Variants in CELF4 observed in about 807,000 individuals in gnomAD.
CELF4 encodes CUGBP Elav-like family member 4.
CELF4 carries 18 observed loss-of-function variants against 59.9 expected under a neutral mutation model. The observed-to-expected ratio is 0.30, with a 90% CI of 0.21 to 0.45. CELF4 has a LOEUF of 0.45. Ranked by LOEUF, CELF4 falls within the 20% of genes least tolerant of loss-of-function variation. CELF4 has a pLI of 1.00. For missense variants in CELF4, 456 were observed against 689.0 expected, an observed-to-expected ratio of 0.66 and a Z score of 3.79; for synonymous variants, 261 against 267.1, an observed-to-expected ratio of 0.98 and a Z score of 0.22.
chr18:37,431,140 G>A (rs1039721887), intron 2 of CELF4, among the ~76,000 whole-genome samples: 2 of 152,142 alleles, frequency 1.3e-5, no homozygotes, highest in African/African-American at 4.8e-5. Context: ...CCTCTGTCTG[G>A]GGACAGCTCT....
At chr18:37,344,095 C>G (rs567067852) in intron 2 of CELF4, among the ~76,000 whole-genome samples, 1 of 152,244 alleles carries the variant, frequency 6.6e-6, no homozygotes, top group Admixed American at 6.5e-5. Context: ...CTAGGACTGT[C>G]AGCTCCACAC....
chr18:37,370,937 G>T (rs912858205), intron 2 of CELF4, among the ~76,000 whole-genome samples: 2 of 152,178 alleles, frequency 1.3e-5, no homozygotes, highest in Non-Finnish European at 2.9e-5. Context: ...TGTCACACGT[G>T]TCTTCAAGCA....
intron 2 of CELF4, among the ~76,000 whole-genome samples, chr18:37,391,099 G>T (rs1315423336): frequency 1.3e-5 from 2 of 152,112 alleles, no homozygotes; most frequent in Admixed American, 1.3e-4. Flanking sequence ...GGAGACGTAG[G>T]GAGGAGAGGA....
chr18:37,255,562 C>T (rs1274018492), intron 11 of CELF4, among the ~76,000 whole-genome samples: 1 of 151,436 alleles, frequency 6.6e-6, no homozygotes, highest in Non-Finnish European at 1.5e-5. Context: ...TTTCCACCAG[C>T]TCCCCTCAGC....
chr18:37,519,760 C>T (rs1220901307), intron 1 of CELF4, among the ~76,000 whole-genome samples: 2 of 152,212 alleles, frequency 1.3e-5, no homozygotes, highest in Non-Finnish European at 2.9e-5. Context: ...ATGGAGCTTG[C>T]TGGGCACTGT....
chr18:37,274,166 A>C (rs1662914), intron 6 of CELF4, 145 bp downstream of exon 6: 1 of 1,478,524 alleles, frequency 6.8e-7, no homozygotes, highest in Non-Finnish European at 8.9e-7. Flanking sequence ...TAAACCCCCC[A>C]GGTTCATGGG....
chr18:37,520,349 G>A (rs899198504), intron 1 of CELF4, among the ~76,000 whole-genome samples: 3 of 152,166 alleles, frequency 2.0e-5, no homozygotes, highest in African/African-American at 4.8e-5. Context: ...CCAGGAAGGC[G>A]TGAGTTAAAT....
intron 2 of CELF4, among the ~76,000 whole-genome samples, chr18:37,390,146 C>G (rs1350626576): frequency 6.6e-6 from 1 of 152,244 alleles, no homozygotes; most frequent in Non-Finnish European, 1.5e-5. Context: ...CGCCCCCTCC[C>G]CACATGCTGT....
intron 2 of CELF4, among the ~76,000 whole-genome samples, 190 bp downstream of exon 2, chr18:37,485,335 C>G (rs1310130398): frequency 3.3e-5 from 5 of 151,816 alleles, no homozygotes; most frequent in Non-Finnish European, 5.9e-5. Flanking sequence ...AGTGGGGCCC[C>G]TGTCCCGGAT....
At chr18:37,375,295 C>T (rs1247180763) in intron 2 of CELF4, among the ~76,000 whole-genome samples, 1 of 152,150 alleles carries the variant, frequency 6.6e-6, no homozygotes, top group Non-Finnish European at 1.5e-5. Flanking sequence ...TACAAAAGTG[C>T]TCAGTGATGG....
rs557511204 is a variant in CELF4, at chr18:37,337,027, C to T, written c.370-15146G>A. On this transcript the variant is annotated intron_variant, in intron 2 of 12. Transcript: ENST00000420428. ...CTCCGGCTGTGCTCCACTCACCATG[C>T]CTGGCGCTCACAGGCCTGGTGGTCT... 3.3e-5 allele frequency among the ~76,000 whole-genome samples: 5 copies of T among 152,358 alleles called. No homozygotes were observed. In the East Asian group the frequency reaches 9.7e-4, roughly 29 times the overall value.
intron 2 of CELF4, among the ~76,000 whole-genome samples, chr18:37,451,557 CTG>C (rs1218908549): frequency 2.6e-5 from 4 of 152,092 alleles, no homozygotes; most frequent in Admixed American, 6.5e-5. Context: ...GTGTGTGTGT[CTG>C]TGGTTTGGTC....
intron 1 of CELF4, among the ~76,000 whole-genome samples, chr18:37,546,813 GCCATAGT>G (rs1400206595): frequency 6.6e-6 from 1 of 152,192 alleles, no homozygotes; most frequent in Admixed American, 6.5e-5. Context: ...CCTGCTCTGT[GCCATAGT>G]CCCCAGAGGT....
At chr18:37,334,897 C>G (rs769424975) in intron 2 of CELF4, among the ~76,000 whole-genome samples, 2 of 152,094 alleles carry the variant, frequency 1.3e-5, no homozygotes, top group Non-Finnish European at 2.9e-5. Context: ...CTGATGATGC[C>G]GGCCAAGCAC....
rs533232227 is a variant in CELF4 at position 37,303,173 on chromosome 18, A to G, written c.448+18630T>C. ...AAGGCTTGCTCTGGCTAGAGGCATG[A>G]CAGAAGTGCAGCAGAGCCGTGGCCC... On this transcript the variant is annotated intron_variant, in intron 3 of 12. Coordinates refer to ENST00000420428, the MANE Select transcript of CELF4 (RefSeq NM_020180.4). 2.0e-5 allele frequency among the ~76,000 whole-genome samples: 3 copies of G among 152,174 alleles called. No individual in the cohort carries two copies. The East Asian group carries it at 5.8e-4, about 29-fold the overall frequency.
At chr18:37,340,870 C>T (rs533251977) in intron 2 of CELF4, among the ~76,000 whole-genome samples, 5 of 152,358 alleles carry the variant, frequency 3.3e-5, no homozygotes, top group East Asian at 3.9e-4. Context: ...TGACTGGAGG[C>T]TCACTCCACG....
chr18:37,273,194 G>T (rs371341688), intron 6 of CELF4, 31 bp from the exon 7 acceptor site: 2 of 1,593,026 alleles, frequency 1.3e-6, no homozygotes, highest in Non-Finnish European at 1.7e-6. Context: ...AAAATATCAC[G>T]TGCTTCCAGG....
At chr18:37,274,478 A>G (rs2092610580) in intron 5 of CELF4, 24 bp from the exon 6 acceptor site, 1 of 1,611,136 alleles carries the variant, frequency 6.2e-7, no homozygotes, top group Non-Finnish European at 8.5e-7. Flanking sequence ...GGCGCGTGAG[A>G]CCCACCTGCT....
chr18:37,325,171 A>T (rs34121967), intron 2 of CELF4, among the ~76,000 whole-genome samples: 2 of 151,948 alleles, frequency 1.3e-5, no homozygotes, highest in African/African-American at 4.8e-5. Flanking sequence ...CGGGGGAGTG[A>T]GGCCATTCCT....
Sources: gnomAD v4.1 joint callset for allele counts (sites outside exome capture counted in the v4.1 genomes callset) on GRCh38, gnomAD v4.1.1 for gene constraint, MANE v1.5 for transcripts, NCBI Gene and HGNC (gene_info 2026-07-23, HGNC 2026-07-21) for gene names.